Variants in NXN observed in about 807,000 individuals in gnomAD.
NXN encodes the protein nucleoredoxin.
Under a neutral mutation model 48.6 loss-of-function variants are expected in NXN, and 16 were observed. The ratio of observed to expected loss-of-function variants is 0.33; its 90% CI spans 0.22 to 0.50. The LOEUF is 0.50. NXN is among the 20% of genes least tolerant of loss of function. The probability of loss-of-function intolerance (pLI) is 0.98; values close to 1 mark genes in which losing one functional copy is unlikely to be tolerated. For missense variants in NXN, 492 were observed against 605.5 expected (o/e 0.81, Z 1.97); for synonymous variants, 281 against 269.6 (o/e 1.04, Z -0.41).
intron 1 of NXN, among the ~76,000 whole-genome samples, chr17:832,222 G>C (rs1913516102): frequency 6.6e-6 from 1 of 151,866 alleles, no homozygotes; most frequent in South Asian, 2.1e-4. Flanking sequence ...CTGTCACCCA[G>C]GCTGGAGTGC....
intron 1 of NXN, among the ~76,000 whole-genome samples, chr17:977,061 C>T (rs887602819): frequency 1.3e-5 from 2 of 152,110 alleles, no homozygotes; most frequent in Non-Finnish European, 2.9e-5. Flanking sequence ...CCACCGCACC[C>T]GGCAATAATT....
chr17:878,351 C>T, intron 1 of NXN: 1 of 133,042 alleles, frequency 7.5e-6, no homozygotes, highest in Non-Finnish European at 1.6e-5. Flanking sequence ...GGTGAGGATG[C>T]TAGAAGGCCA....
chr17:805,020 T>TGCCC, intron 6 of NXN, 48 bp downstream of exon 6: 31 of 1,512,830 alleles, frequency 2.0e-5, no homozygotes, highest in East Asian at 2.5e-5. Flanking sequence ...GCCCCTCCTG[T>TGCCC]CCCGCCCCCC....
intron 4 of NXN, 129 bp from the exon 5 acceptor site, chr17:819,674 A>C: frequency 1.5e-6 from 1 of 647,534 alleles, no homozygotes; most frequent in Non-Finnish European, 2.7e-6. Flanking sequence ...TGTGCTCCTT[A>C]GGCAACAGGC....
chr17:853,702 CAT>C (rs571601948), intron 1 of NXN, among the ~76,000 whole-genome samples: 1,273 of 119,262 alleles, frequency 0.011, 26 homozygotes, highest in East Asian at 0.032. Flanking sequence ...CTGTTATACA[CAT>C]ATATATATAT....
intron 1 of NXN, among the ~76,000 whole-genome samples, chr17:870,521 T>C (rs1037465520): frequency 5.3e-5 from 8 of 151,856 alleles, no homozygotes; most frequent in African/African-American, 1.9e-4. Flanking sequence ...GGAGGGAGGA[T>C]TGTTTGAGTC....
chr17:835,238 G>A (rs1888489934), intron 1 of NXN, among the ~76,000 whole-genome samples: 1 of 151,202 alleles, frequency 6.6e-6, no homozygotes, highest in South Asian at 2.1e-4. Context: ...AACCCAGGAG[G>A]CGGAGCTTGC....
At chr17:928,254 C>G (rs2068821095) in intron 1 of NXN, among the ~76,000 whole-genome samples, 1 of 152,106 alleles carries the variant, frequency 6.6e-6, no homozygotes, top group Admixed American at 6.6e-5. Context: ...AAAGCGACAC[C>G]CAGCTAACTT....
At chr17:875,500 CAA>C (rs1310883568) in intron 1 of NXN, among the ~76,000 whole-genome samples, 1 of 152,158 alleles carries the variant, frequency 6.6e-6, no homozygotes, top group African/African-American at 2.4e-5. Context: ...TCTCTTATCT[CAA>C]AAGTCTTAAT....
chr17:897,214 G>A (rs935075667), intron 1 of NXN, among the ~76,000 whole-genome samples: 3 of 152,230 alleles, frequency 2.0e-5, no homozygotes, highest in Non-Finnish European at 2.9e-5. Flanking sequence ...CTGGGAAAGG[G>A]AGGCAGAGGT....
chr17:932,792 C>T lies in NXN; in HGVS notation c.360+46527G>A, dbSNP rs573676037. The stretch of plus-strand genomic sequence containing the variant: ...TGGCCGGCTTCGCATAAGTCATCTG[C>T]GCCCGCCACCACGCCAGGCTAATTT... On this transcript the variant is annotated intron_variant, in intron 1 of 7. Transcript: ENST00000336868. The surrounding 1 kb of genome is among the most constrained non-coding windows in gnomAD (Gnocchi z 4.1). 7.9e-5 allele frequency among the ~76,000 whole-genome samples: 12 copies of T among 152,262 alleles called. No individual in the cohort carries two copies. Among genetic ancestry groups the T allele is most frequent in the African/African-American group, 2.6e-4 (11 of 41,556 alleles).
chr17:963,900 A>C (rs1288316558), intron 1 of NXN, among the ~76,000 whole-genome samples: 8 of 150,018 alleles, frequency 5.3e-5, no homozygotes, highest in Non-Finnish European at 1.2e-4. Flanking sequence ...ACGTGGTGAA[A>C]CCCCGTCTCT....
chr17:839,393 C>T (rs1914012023), intron 1 of NXN, among the ~76,000 whole-genome samples: 1 of 151,952 alleles, frequency 6.6e-6, no homozygotes, highest in Non-Finnish European at 1.5e-5. Flanking sequence ...CGAGGTCACA[C>T]CACTGCACTC....
At chr17:861,658 G>C (rs570939401) in intron 1 of NXN, among the ~76,000 whole-genome samples, 122 of 152,206 alleles carry the variant, frequency 8.0e-4, no homozygotes, top group Non-Finnish European at 1.0e-3. Flanking sequence ...ACGATGCTGG[G>C]AACATGTTAA....
intron 1 of NXN, among the ~76,000 whole-genome samples, chr17:883,232 G>C (rs755799678): frequency 3.3e-5 from 5 of 152,042 alleles, no homozygotes; most frequent in Non-Finnish European, 5.9e-5. Flanking sequence ...AGACAGCGAC[G>C]GTGTCAATCA....
chr17:912,269 G>GA (rs1432384730), intron 1 of NXN, among the ~76,000 whole-genome samples: 4 of 151,972 alleles, frequency 2.6e-5, no homozygotes, highest in East Asian at 3.9e-4. Context: ...ACATTCGGTT[G>GA]AAAAAAATCT....
intron 1 of NXN, among the ~76,000 whole-genome samples, chr17:846,739 G>A (rs917955209): frequency 6.6e-6 from 1 of 152,072 alleles, no homozygotes; most frequent in East Asian, 1.9e-4. Context: ...TCTGTAATGA[G>A]CCAGAAAGTT....
chr17:879,535 C>T (rs1235612786), intron 1 of NXN, among the ~76,000 whole-genome samples: 6 of 151,966 alleles, frequency 3.9e-5, no homozygotes, highest in African/African-American at 1.2e-4. Flanking sequence ...GATCCACCCG[C>T]CTCGGCCTCC....
At chr17:815,506 G>A (rs1262508809) in intron 5 of NXN, among the ~76,000 whole-genome samples, 1 of 139,666 alleles carries the variant, frequency 7.2e-6, no homozygotes, top group African/African-American at 2.6e-5. Context: ...TATGATGAGG[G>A]CGAGTGTCCA....
Sources: gnomAD v4.1 joint callset for allele counts (sites outside exome capture counted in the v4.1 genomes callset) on GRCh38, gnomAD v4.1.1 for gene constraint, Gnocchi (gnomAD v3.1) non-coding constraint, MANE v1.5 for transcripts, NCBI Gene and HGNC (gene_info 2026-07-23, HGNC 2026-07-21) for gene names.